Variants in MBNL1 observed in about 807,000 individuals in gnomAD.
The protein encoded by MBNL1 is muscleblind-like protein 1.
In MBNL1, 8 loss-of-function variants were observed where a neutral mutation model predicts 42.2. That is an observed-to-expected ratio of 0.19 (90% CI 0.11 to 0.34). MBNL1 has a LOEUF of 0.34. Ranked by LOEUF, MBNL1 falls within the 10% of genes least tolerant of loss-of-function variation. MBNL1 has a pLI of 1.00. For missense variants in MBNL1, 309 were observed against 495.3 expected (o/e 0.62, Z 3.57); for synonymous variants, 169 against 173.9 (o/e 0.97, Z 0.22).
chr3:152,378,234 T>G (rs1314685685), intron 2 of MBNL1, among the ~76,000 whole-genome samples: 2 of 152,034 alleles, frequency 1.3e-5, no homozygotes, highest in African/African-American at 4.8e-5. Flanking sequence ...CTTGGGAGGC[T>G]GAGGTGGGAG....
upstream of MBNL1, chr3:152,268,860 G>C (rs772933332): frequency 4.4e-6 from 2 of 453,574 alleles, no homozygotes; most frequent in South Asian, 1.6e-5. Context: ...TGGGCGGGCG[G>C]GGGAGGGGCC....
At chr3:152,446,798 AT>A (rs749069434) in intron 5 of MBNL1, 3 of 1,554,494 alleles carry the variant, frequency 1.9e-6, no homozygotes, top group Admixed American at 3.8e-5. Flanking sequence ...ATGTAGCTTT[AT>A]TGTAGATACA....
Position 152,465,464 on chromosome 3 carries a change from A to C in MBNL1, c.*3098A>C, listed in dbSNP as rs1488691756. The stretch of plus-strand genomic sequence containing the variant: ...ATTTCATGGTTTTAATTTTCAACTC[A>C]GAAGCACTCAAAAATGCAAAATGTG... On this transcript the variant is annotated 3_prime_UTR_variant, in exon 10 of 10. Transcript: ENST00000324210. The C allele has an allele frequency of 6.6e-6, 1 of 152,656 alleles. No individual in the cohort carries two copies. The highest frequency in any genetic ancestry group is 1.5e-5 in the Non-Finnish European group (1 of 68,036). 9.5% of individuals were successfully genotyped at this position (152,656 alleles called of 1,614,324 possible). A position where few individuals can be genotyped will look rare whatever the true frequency, so the allele number is the denominator to read the frequency against.
chr3:152,391,110 A>G (rs1178434458), intron 2 of MBNL1, among the ~76,000 whole-genome samples: 3 of 152,204 alleles, frequency 2.0e-5, no homozygotes, highest in Non-Finnish European at 2.9e-5. Flanking sequence ...GAAGAAACAG[A>G]GGTTTAGAGG....
At chr3:152,382,693 G>A (rs2097231520) in intron 2 of MBNL1, among the ~76,000 whole-genome samples, 2 of 152,128 alleles carry the variant, frequency 1.3e-5, no homozygotes, top group Admixed American at 1.3e-4. Flanking sequence ...ATAAAAAGGA[G>A]TTGAATAGGT....
At chr3:152,380,240 T>G (rs2097124076) in intron 2 of MBNL1, among the ~76,000 whole-genome samples, 1 of 152,098 alleles carries the variant, frequency 6.6e-6, no homozygotes, top group Admixed American at 6.6e-5. Context: ...AATTTAACAT[T>G]AACAGTTGTA....
intron 2 of MBNL1, among the ~76,000 whole-genome samples, chr3:152,356,152 A>T (rs1023139878): frequency 5.3e-5 from 8 of 152,266 alleles, no homozygotes; most frequent in Middle Eastern, 3.4e-3. Flanking sequence ...TAAGAAAAAA[A>T]ATCTAACTTA....
chr3:152,278,418 C>T (rs1454288367), intron 1 of MBNL1, among the ~76,000 whole-genome samples: 1 of 151,876 alleles, frequency 6.6e-6, no homozygotes, highest in African/African-American at 2.4e-5. Context: ...CATGACCTTT[C>T]CAAAAAATAA....
chr3:152,245,706 G>C (rs2032780163), intron 2 of MBNL1, among the ~76,000 whole-genome samples: 2 of 152,070 alleles, frequency 1.3e-5, no homozygotes, highest in Admixed American at 1.3e-4. Flanking sequence ...TTGTTGGTTT[G>C]TTTTACGTAT....
chr3:152,304,777 G>C (rs1213617374), intron 2 of MBNL1, among the ~76,000 whole-genome samples: 4 of 152,174 alleles, frequency 2.6e-5, no homozygotes, highest in African/African-American at 9.7e-5. Flanking sequence ...CATCAACTCT[G>C]ACATAAACCT....
intron 1 of MBNL1, among the ~76,000 whole-genome samples, chr3:152,284,629 T>G (rs1380881629): frequency 6.6e-6 from 1 of 152,144 alleles, no homozygotes; most frequent in African/African-American, 2.4e-5. Context: ...CTATATTGCT[T>G]TGAAATGTTT....
intron 2 of MBNL1, among the ~76,000 whole-genome samples, chr3:152,373,483 A>G (rs542623883): frequency 1.3e-5 from 2 of 152,194 alleles, no homozygotes; most frequent in African/African-American, 4.8e-5. Context: ...TGTAAAGACC[A>G]TGGGAAAAGC....
intron 2 of MBNL1, among the ~76,000 whole-genome samples, chr3:152,306,348 A>C (rs1410250074): frequency 6.6e-6 from 1 of 152,122 alleles, no homozygotes; most frequent in Non-Finnish European, 1.5e-5. Flanking sequence ...AGTCATTGGA[A>C]CTCAGGTTCC....
intron 2 of MBNL1, among the ~76,000 whole-genome samples, chr3:152,413,957 C>T (rs2098648003): frequency 2.0e-5 from 3 of 151,894 alleles, no homozygotes; most frequent in Non-Finnish European, 2.9e-5. Flanking sequence ...ATAGTAACTT[C>T]TTTTTTTTGA....
At chr3:152,318,106 G>C (rs1354277774) in intron 2 of MBNL1, among the ~76,000 whole-genome samples, 1 of 152,182 alleles carries the variant, frequency 6.6e-6, no homozygotes, top group East Asian at 1.9e-4. Context: ...TATTTTGACA[G>C]TGTGAATGAG....
intron 2 of MBNL1, among the ~76,000 whole-genome samples, chr3:152,350,094 ATC>A (rs950245633): frequency 6.6e-5 from 10 of 152,120 alleles, no homozygotes; most frequent in African/African-American, 2.4e-4. Context: ...ACCTTGGCGC[ATC>A]TCTCTATAAC....
At chr3:152,373,927 A>G (rs2096788104) in intron 2 of MBNL1, among the ~76,000 whole-genome samples, 1 of 152,220 alleles carries the variant, frequency 6.6e-6, no homozygotes, top group Non-Finnish European at 1.5e-5. Flanking sequence ...ACCATAATTC[A>G]GTGTTGATGA....
chr3:152,284,463 T>G (rs1012975892), intron 1 of MBNL1, among the ~76,000 whole-genome samples: 8 of 152,116 alleles, frequency 5.3e-5, no homozygotes, highest in Admixed American at 2.6e-4. Flanking sequence ...AAAAAATCCT[T>G]TATGTCATTT....
chr3:152,459,620 A>C (rs1740880744), intron 9 of MBNL1, among the ~76,000 whole-genome samples: 1 of 152,196 alleles, frequency 6.6e-6, no homozygotes, highest in Non-Finnish European at 1.5e-5. Flanking sequence ...AAAAGTAATT[A>C]GAAGGTGTAG....
Sources: allele counts gnomAD v4.1 joint callset (sites outside exome capture counted in the v4.1 genomes callset), GRCh38; gene constraint gnomAD v4.1.1; transcripts MANE v1.5; gene names NCBI Gene and HGNC (gene_info 2026-07-23, HGNC 2026-07-21).